PTPRT: variants seen among roughly 807,000 people sequenced by gnomAD.
PTPRT encodes the protein protein tyrosine phosphatase receptor type T.
PTPRT carries 56 observed loss-of-function variants against 176.8 expected under a neutral mutation model. That is an observed-to-expected ratio of 0.32 (90% CI 0.26 to 0.40). The LOEUF (loss-of-function observed/expected upper bound fraction) is 0.40. Ranked by LOEUF, PTPRT falls within the 10% of genes least tolerant of loss-of-function variation. The pLI is 1.00. For synonymous variants in PTPRT, 783 were observed against 739.0 expected, an observed-to-expected ratio of 1.06 and a Z score of -0.96; for missense variants, 1,540 against 1,908.2, an observed-to-expected ratio of 0.81 and a Z score of 3.60.
At chr20:43,162,897 G>A (rs552674776) in intron 1 of PTPRT, among the ~76,000 whole-genome samples, 4 of 152,310 alleles carry the variant, frequency 2.6e-5, no homozygotes, top group African/African-American at 9.6e-5. Flanking sequence ...TTGCAGCAGC[G>A]TCTTACACCT....
Position 42,102,253 on chromosome 20 carries a change from G to A in PTPRT, c.3585C>T (p.Ser1195=). ...VTPRVRPEDC[S]IGLLPRNHDK... is the part of the protein sequence containing the mutation. ...CATGGTTCCGGGGCAGGAGCCCAAT[G>A]CTGCAGTCCTCGGGCCGCACACGGG... is the stretch of plus-strand genomic sequence containing the variant. Residue 1195 remains serine (S), a synonymous_variant, in exon 26 of 31, where the codon AGC becomes AGT. Coordinates refer to ENST00000373187, the MANE Select transcript of PTPRT (RefSeq NM_007050.6). The A allele has an allele frequency of 6.2e-7, 1 of 1,614,200 alleles. No individual in the cohort carries two copies.
intron 2 of PTPRT, among the ~76,000 whole-genome samples, chr20:42,842,979 C>T (rs530220596): frequency 1.2e-4 from 18 of 152,264 alleles, no homozygotes; most frequent in African/African-American, 3.6e-4. Context: ...TGGCAACATA[C>T]GAATTTGGAA....
intron 24 of PTPRT, among the ~76,000 whole-genome samples, chr20:42,106,257 C>A (rs1453075628): frequency 6.6e-6 from 1 of 152,186 alleles, no homozygotes; most frequent in African/African-American, 2.4e-5. Context: ...TAGGTTTGGG[C>A]TCTCCAACTG....
chr20:42,803,547 ATTAT>A (rs1455090705), intron 2 of PTPRT, among the ~76,000 whole-genome samples: 1 of 152,034 alleles, frequency 6.6e-6, no homozygotes, highest in Non-Finnish European at 1.5e-5. Context: ...TGCTTTTTTA[ATTAT>A]TTATTATTTA....
At chr20:42,093,397 A>G (rs1568920975) in intron 27 of PTPRT, among the ~76,000 whole-genome samples, 1 of 152,224 alleles carries the variant, frequency 6.6e-6, no homozygotes, top group Non-Finnish European at 1.5e-5. Flanking sequence ...GGTTGAATGC[A>G]GAAGTTTGAA....
intron 7 of PTPRT, among the ~76,000 whole-genome samples, chr20:42,570,656 T>C (rs750832074): frequency 6.6e-6 from 1 of 152,160 alleles, no homozygotes; most frequent in Non-Finnish European, 1.5e-5. Context: ...CCTATCTCAT[T>C]GGTTTCTAAA....
chr20:42,295,898 G>GTC (rs1307843676), intron 12 of PTPRT, among the ~76,000 whole-genome samples: 3 of 152,178 alleles, frequency 2.0e-5, no homozygotes, highest in African/African-American at 7.2e-5. Flanking sequence ...TGCTTCGCAC[G>GTC]TCTCTCTTCT....
At chr20:42,999,224 A>C (rs1038126847) in intron 1 of PTPRT, among the ~76,000 whole-genome samples, 1 of 152,222 alleles carries the variant, frequency 6.6e-6, no homozygotes, top group African/African-American at 2.4e-5. Context: ...TTCAAACTGC[A>C]CATATAGTAA....
intron 7 of PTPRT, among the ~76,000 whole-genome samples, chr20:42,508,152 T>TGTGTGTGTG (rs1555872023): frequency 6.6e-6 from 1 of 151,342 alleles, no homozygotes; most frequent in African/African-American, 2.4e-5. Context: ...TGTGTGTGTA[T>TGTGTGTGTG]TATATTAACA....
chr20:42,297,891 A>C (rs1421496435), intron 12 of PTPRT, among the ~76,000 whole-genome samples: 1 of 152,172 alleles, frequency 6.6e-6, no homozygotes. Context: ...CAGAAAACTA[A>C]ATATAAAAAT....
intron 14 of PTPRT, among the ~76,000 whole-genome samples, chr20:42,240,555 T>C (rs2056331932): frequency 1.3e-5 from 2 of 152,164 alleles, no homozygotes; most frequent in Non-Finnish European, 2.9e-5. Flanking sequence ...TTTTCTTTTG[T>C]TCCATACAAT....
At chr20:42,435,762 A>G (rs549325367) in intron 9 of PTPRT, among the ~76,000 whole-genome samples, 2 of 152,240 alleles carry the variant, frequency 1.3e-5, no homozygotes, top group African/African-American at 4.8e-5. Flanking sequence ...AGATGTTTTC[A>G]TTAAACTTGA....
intron 2 of PTPRT, among the ~76,000 whole-genome samples, chr20:42,799,700 C>G (rs2077502024): frequency 6.6e-6 from 1 of 152,208 alleles, no homozygotes; most frequent in Admixed American, 6.5e-5. Flanking sequence ...TCAGATAATG[C>G]TACTCTCCCT....
At chr20:42,695,982 C>T (rs2075868286) in intron 6 of PTPRT, among the ~76,000 whole-genome samples, 1 of 152,084 alleles carries the variant, frequency 6.6e-6, no homozygotes, top group African/African-American at 2.4e-5. Flanking sequence ...GTAACCCTAT[C>T]ACTTAGAGAG....
At chr20:42,450,566 G>A (rs1254151588) in intron 8 of PTPRT, among the ~76,000 whole-genome samples, 8 of 152,194 alleles carry the variant, frequency 5.3e-5, no homozygotes, top group East Asian at 1.9e-4. Context: ...TTATGGGCTC[G>A]TCATTGTAAT....
chr20:42,139,713 T>C (rs4239693), intron 18 of PTPRT, among the ~76,000 whole-genome samples: 19,506 of 152,018 alleles, frequency 0.13, 1,896 homozygotes, highest in East Asian at 0.48. Flanking sequence ...AAGCTCAGAG[T>C]CTCAGGCATA....
At chr20:42,653,136 C>T (rs1410691274) in intron 7 of PTPRT, among the ~76,000 whole-genome samples, 1 of 152,078 alleles carries the variant, frequency 6.6e-6, no homozygotes, top group Non-Finnish European at 1.5e-5. Flanking sequence ...GGCGGTTACC[C>T]CCATGCTGCT....
At chr20:42,808,637 A>G (rs1231697604) in intron 2 of PTPRT, among the ~76,000 whole-genome samples, 2 of 152,180 alleles carry the variant, frequency 1.3e-5, no homozygotes, top group African/African-American at 4.8e-5. Context: ...TTTCACCGAG[A>G]TGAGTTGTCT....
intron 6 of PTPRT, among the ~76,000 whole-genome samples, chr20:42,704,129 G>A (rs981063932): frequency 1.3e-5 from 2 of 151,984 alleles, no homozygotes; most frequent in Non-Finnish European, 2.9e-5. Flanking sequence ...AGTGGCTGCC[G>A]CAACTCTACC....
Sources: allele counts gnomAD v4.1 joint callset (sites outside exome capture counted in the v4.1 genomes callset), GRCh38; gene constraint gnomAD v4.1.1; transcripts MANE v1.5; gene names NCBI Gene and HGNC (gene_info 2026-07-23, HGNC 2026-07-21).